Variants in DAB1 observed in about 807,000 individuals in gnomAD.
DAB1 encodes the protein disabled homolog 1.
Under a neutral mutation model 64.6 loss-of-function variants are expected in DAB1, and 15 were observed. That is an observed-to-expected ratio of 0.23 (90% CI 0.16 to 0.36). The LOEUF (loss-of-function observed/expected upper bound fraction) is 0.36, where lower values mean the gene tolerates loss of function less well. Ranked by LOEUF, DAB1 falls within the 10% of genes least tolerant of loss-of-function variation. DAB1 has a pLI of 1.00. For missense variants in DAB1, 596 were observed against 706.7 expected (o/e 0.84, Z 1.78); for synonymous variants, 235 against 251.9 (o/e 0.93, Z 0.64).
At chr1:57,404,184 T>C (rs1013914176) in intron 1 of DAB1, among the ~76,000 whole-genome samples, 3 of 152,176 alleles carry the variant, frequency 2.0e-5, no homozygotes, top group Admixed American at 1.3e-4. Context: ...TAAGGAACTA[T>C]AAAAAGGACA....
At chr1:57,324,163 A>G (rs1028172909) in intron 1 of DAB1, among the ~76,000 whole-genome samples, 1 of 152,238 alleles carries the variant, frequency 6.6e-6, no homozygotes, top group Admixed American at 6.5e-5. Context: ...ACAGGTCAAT[A>G]GCATTCATAT....
chr1:58,006,443 C>T (rs929114879), intron 5 of DAB1, among the ~76,000 whole-genome samples: 22 of 152,102 alleles, frequency 1.4e-4, no homozygotes, highest in African/African-American at 5.3e-4. Flanking sequence ...TAATAATATA[C>T]TACTGGTAAG....
intron 7 of DAB1, among the ~76,000 whole-genome samples, chr1:57,555,312 C>T (rs574586321): frequency 8.6e-5 from 13 of 151,638 alleles, no homozygotes; most frequent in African/African-American, 2.9e-4. Context: ...GGATTACAGG[C>T]GTGAGCCACC....
At chr1:57,900,534 CT>C (rs1259744092) in intron 5 of DAB1, among the ~76,000 whole-genome samples, 1 of 152,202 alleles carries the variant, frequency 6.6e-6, no homozygotes, top group Non-Finnish European at 1.5e-5. Flanking sequence ...GCTAGGCTAC[CT>C]GAGCAAGCGA....
intron 5 of DAB1, among the ~76,000 whole-genome samples, chr1:58,078,672 C>G (rs973474273): frequency 6.6e-6 from 1 of 152,072 alleles, no homozygotes; most frequent in Non-Finnish European, 1.5e-5. Context: ...CAGACATATG[C>G]TTGAGGTTTC....
chr1:58,143,793 C>G (rs920450070), intron 5 of DAB1, among the ~76,000 whole-genome samples: 1 of 152,176 alleles, frequency 6.6e-6, no homozygotes, highest in African/African-American at 2.4e-5. Flanking sequence ...AAGAAAGACT[C>G]CTAGTTTCAA....
intron 3 of DAB1, among the ~76,000 whole-genome samples, chr1:58,435,172 C>G (rs1320919770): frequency 6.6e-6 from 1 of 152,120 alleles, no homozygotes; most frequent in Non-Finnish European, 1.5e-5. Context: ...GGTATTTTTT[C>G]TCTGCTTTTG....
At position 58,099,287 on chromosome 1, in the gene DAB1, T is replaced by C. The variant is rs146728138; in HGVS notation, n.387+51224A>G. ...CTCTCCCTGAGTGCCCAGAGATGGT[T>C]AGGGGCTTATCCTGCATATTTTACT... On this transcript the variant is annotated intron_variant and non_coding_transcript_variant, in intron 5 of 20. Coordinates refer to the DAB1 transcript ENST00000485760. Among the ~76,000 whole-genome samples, 87 of 152,300 alleles carry C rather than the reference T, an allele frequency of 5.7e-4. No homozygotes were observed. The East Asian group carries it at 0.013, about 23-fold the overall frequency.
chr1:57,933,230 G>A (rs1314545060), intron 5 of DAB1, among the ~76,000 whole-genome samples: 1 of 152,222 alleles, frequency 6.6e-6, no homozygotes, highest in Non-Finnish European at 1.5e-5. Flanking sequence ...TTCCAGTGGA[G>A]CTTTCTGCTC....
rs149833194 is a variant in DAB1 at position 57,324,472 on chromosome 1, A to AT, written c.-136-33307dup. On this transcript the variant is annotated intron_variant, in intron 1 of 14. Coordinates refer to ENST00000371236, the MANE Select transcript of DAB1 (RefSeq NM_001365792.1). ...AAGAAGCAGTCAATAAAACCAAGAGATTTTTCCCCATTGTATGGAATTAAA... is the reference window on the plus strand; with the variant it reads ...AAGAAGCAGTCAATAAAACCAAGAGATTTTTTCCCCATTGTATGGAATTAAA... Among the ~76,000 whole-genome samples, 1,453 of 152,222 alleles carry AT rather than the reference A, an allele frequency of 9.5e-3. 19 individuals are homozygous for AT. Among genetic ancestry groups the AT allele is most frequent in the Non-Finnish European group, 0.015 (993 of 68,016 alleles).
intron 1 of DAB1, among the ~76,000 whole-genome samples, chr1:57,319,166 C>T (rs563661828): frequency 6.1e-4 from 93 of 152,206 alleles, no homozygotes; most frequent in African/African-American, 7.2e-4. Context: ...ATTACTAAAC[C>T]GGTTACTATT....
At chr1:58,206,627 C>A (rs1658298991) in intron 4 of DAB1, among the ~76,000 whole-genome samples, 1 of 152,192 alleles carries the variant, frequency 6.6e-6, no homozygotes, top group Non-Finnish European at 1.5e-5. Flanking sequence ...AGACAACATA[C>A]CTTCCCAGAT....
At position 58,470,495 on chromosome 1, in the gene DAB1, G is replaced by GATCCAGGCCTGATCCTTATCCTTCACC. The variant is rs372543943; in HGVS notation, n.257+35538_257+35564dup. On this transcript the variant is annotated intron_variant and non_coding_transcript_variant, in intron 3 of 20. Transcript: ENST00000485760. ...AGCCAGAGCTGGGACTTTTCATGCA[G>GATCCAGGCCTGATCCTTATCCTTCACC]ATCCAGGCCTGATCCTTATCCTTCA... 4.3e-3 allele frequency among the ~76,000 whole-genome samples: 658 copies of GATCCAGGCCTGATCCTTATCCTTCACC among 152,156 alleles called. 6 individuals are homozygous for GATCCAGGCCTGATCCTTATCCTTCACC. The highest frequency in any genetic ancestry group is 0.015 in the African/African-American group (627 of 41,480).
At chr1:57,357,950 A>T (rs1679254684) in intron 1 of DAB1, among the ~76,000 whole-genome samples, 1 of 151,988 alleles carries the variant, frequency 6.6e-6, no homozygotes, top group African/African-American at 2.4e-5. Flanking sequence ...AGACACAGGC[A>T]AACCGTATTA....
intron 4 of DAB1, among the ~76,000 whole-genome samples, chr1:58,282,216 T>G (rs1444464876): frequency 3.3e-5 from 5 of 152,210 alleles, no homozygotes; most frequent in African/African-American, 1.2e-4. Flanking sequence ...GTATCTCAGA[T>G]GGGGATATGA....
chr1:57,520,226 T>C (rs186090834), intron 7 of DAB1, among the ~76,000 whole-genome samples: 1 of 152,338 alleles, frequency 6.6e-6, no homozygotes, highest in East Asian at 1.9e-4. Flanking sequence ...TTAATTTTCT[T>C]TTTTATTTCC....
At chr1:57,515,856 C>T (rs1488541583) in intron 7 of DAB1, among the ~76,000 whole-genome samples, 1 of 152,184 alleles carries the variant, frequency 6.6e-6, no homozygotes, top group Non-Finnish European at 1.5e-5. Flanking sequence ...AAATGATGGG[C>T]TGGGTTTTTC....
chr1:57,399,916 G>T (rs774618971), intron 1 of DAB1, among the ~76,000 whole-genome samples: 11 of 152,314 alleles, frequency 7.2e-5, no homozygotes, highest in Non-Finnish European at 1.2e-4. Flanking sequence ...GAGTGAAAAT[G>T]ATAATTGCTC....
chr1:57,606,929 T>G (rs1168032502), intron 7 of DAB1, among the ~76,000 whole-genome samples: 2 of 150,652 alleles, frequency 1.3e-5, no homozygotes, highest in Non-Finnish European at 2.9e-5. Flanking sequence ...GGATTACAGG[T>G]GCCTGCCACC....
Sources: allele counts gnomAD v4.1 joint callset (sites outside exome capture counted in the v4.1 genomes callset), GRCh38; gene constraint gnomAD v4.1.1; transcripts MANE v1.5; gene names NCBI Gene and HGNC (gene_info 2026-07-23, HGNC 2026-07-21).